The following GNB1L variants were observed in gnomAD, a reference collection of about 807,000 sequenced individuals.
GNB1L encodes the protein G protein subunit beta 1 like, also known as guanine nucleotide-binding protein subunit beta-like protein 1.
A neutral mutation model predicts 29.1 loss-of-function variants in GNB1L; 20 were observed. The ratio of observed to expected loss-of-function variants is 0.69; its 90% CI spans 0.48 to 1.00. The LOEUF is 1.00. GNB1L is among the 50% of genes least tolerant of loss of function. The probability of loss-of-function intolerance (pLI) is 0.00; values close to 1 mark genes in which losing one functional copy is unlikely to be tolerated. For synonymous variants in GNB1L, 193 were observed against 206.5 expected (o/e 0.93, Z 0.56); for missense variants, 421 against 464.9 (o/e 0.91, Z 0.87).
At chr22:19,803,202 G>C (rs1271069022) in intron 6 of GNB1L, among the ~76,000 whole-genome samples, 2 of 152,236 alleles carry the variant, frequency 1.3e-5, no homozygotes, top group African/African-American at 4.8e-5. Flanking sequence ...ACTGTGCCCT[G>C]CAGGATGTGG....
At chr22:19,798,143 G>T (rs1346592273) in intron 7 of GNB1L, among the ~76,000 whole-genome samples, 1 of 152,186 alleles carries the variant, frequency 6.6e-6, no homozygotes, top group Non-Finnish European at 1.5e-5. Flanking sequence ...CCGGCTGAGG[G>T]GCTGTCAAGG....
intron 2 of GNB1L, chr22:19,846,120 A>G (rs2145900915): frequency 6.6e-6 from 1 of 150,496 alleles, no homozygotes; most frequent in East Asian, 1.9e-4. Flanking sequence ...TATGCTGTGG[A>G]AAACACAAGC....
intron 4 of GNB1L, among the ~76,000 whole-genome samples, chr22:19,814,223 G>T (rs1937516810): frequency 6.6e-6 from 1 of 152,158 alleles, no homozygotes; most frequent in South Asian, 2.1e-4. Context: ...GGCTGGGAGG[G>T]ATGAGGGAAA....
intron 2 of GNB1L, chr22:19,849,567 A>G (rs2145904667): frequency 4.5e-6 from 2 of 448,816 alleles, no homozygotes; most frequent in East Asian, 1.5e-4. Flanking sequence ...GGATTTCTCC[A>G]TGCTGGTCAG....
chr22:19,788,354 G>A lies in GNB1L; in HGVS notation c.*355C>T. ...CATCCTGCCTGGTGGGGGTCTGAGG[G>A]CACTGATGCTAAGTGGGGGACCAGG... On this transcript the variant is annotated 3_prime_UTR_variant, in exon 8 of 8. Transcript: ENST00000329517. 3.5e-6 allele frequency: 2 copies of A among 576,206 alleles called. No individual in the cohort carries two copies. The highest frequency in any genetic ancestry group is 6.2e-6 in the Non-Finnish European group (2 of 323,990). The allele number at this position is 576,206 out of a possible 1,614,324, so 35.7% of individuals were successfully genotyped here.
At chr22:19,825,608 C>T (rs1344490372) in intron 2 of GNB1L, among the ~76,000 whole-genome samples, 1 of 151,756 alleles carries the variant, frequency 6.6e-6, no homozygotes, top group Admixed American at 6.6e-5. Flanking sequence ...GGGGACAGAG[C>T]AAGACCGCAT....
intron 4 of GNB1L, among the ~76,000 whole-genome samples, chr22:19,818,241 A>G (rs928909349): frequency 4.6e-5 from 7 of 152,256 alleles, no homozygotes; most frequent in Admixed American, 3.9e-4. Flanking sequence ...GGCCTGGCAC[A>G]GCTCCTGTCT....
chr22:19,791,075 A>AT (rs1569037014), intron 7 of GNB1L, among the ~76,000 whole-genome samples: 1 of 152,098 alleles, frequency 6.6e-6, no homozygotes, highest in African/African-American at 2.4e-5. Context: ...TACAAAAAAA[A>AT]TTTTTTAATT....
chr22:19,843,339 C>CCAGGCGGG, intron 2 of GNB1L, among the ~76,000 whole-genome samples: 1 of 152,258 alleles, frequency 6.6e-6, no homozygotes, highest in Non-Finnish European at 1.5e-5. Context: ...TTGGAAGCGC[C>CCAGGCGGG]CAGGCGGGCA....
At chr22:19,851,262 T>C (rs1388245936) in intron 2 of GNB1L, 17 of 1,610,272 alleles carry the variant, frequency 1.1e-5, no homozygotes, top group Non-Finnish European at 1.4e-5. Context: ...TCTCCCTCTG[T>C]CTCCAAAACC....
intron 4 of GNB1L, among the ~76,000 whole-genome samples, chr22:19,818,673 C>T (rs78688566): frequency 1.7e-3 from 262 of 152,352 alleles, no homozygotes; most frequent in African/African-American, 6.0e-3. Context: ...AACCAGGCAC[C>T]GAGTCCAGAG....
chr22:19,851,094 G>T, intron 2 of GNB1L: 1 of 1,491,166 alleles, frequency 6.7e-7, no homozygotes, highest in East Asian at 2.4e-5. Flanking sequence ...GCTCTGACTG[G>T]GGACTATGGG....
chr22:19,814,834 A>G (rs1157268646), intron 4 of GNB1L, among the ~76,000 whole-genome samples: 2 of 152,128 alleles, frequency 1.3e-5, no homozygotes, highest in Admixed American at 6.6e-5. Context: ...GGAGTTCAAG[A>G]CCAGTCTGGG....
At chr22:19,846,675 A>AT in intron 2 of GNB1L, 1 of 546,136 alleles carries the variant, frequency 1.8e-6, no homozygotes, top group Non-Finnish European at 2.3e-6. Context: ...TCAGGGTTAA[A>AT]TGAGGTCATG....
intron 2 of GNB1L, chr22:19,849,591 T>A: frequency 1.5e-6 from 1 of 658,370 alleles, no homozygotes; most frequent in South Asian, 6.8e-5. Flanking sequence ...GGTCTTGAAC[T>A]CCTGACCTCA....
intron 2 of GNB1L, among the ~76,000 whole-genome samples, chr22:19,838,055 G>A (rs1294050149): frequency 2.6e-5 from 4 of 152,234 alleles, no homozygotes; most frequent in African/African-American, 9.6e-5. Context: ...TGGGGATGGC[G>A]TCACAGACGC....
In GNB1L at chr22:19,819,332, C is replaced by T. The variant is rs537350519; in HGVS notation, c.254+1266G>A. On this transcript the variant is annotated intron_variant, in intron 4 of 7. Coordinates refer to ENST00000329517, the MANE Select transcript of GNB1L (RefSeq NM_053004.3). Reference sequence around the variant, plus strand: ...CTGCCACCCATGCAGGAGGATGGTGCGACAGCCACAGGAGGCCAAGTTGTA... The same window carrying T: ...CTGCCACCCATGCAGGAGGATGGTGTGACAGCCACAGGAGGCCAAGTTGTA... Among the ~76,000 whole-genome samples, 8 of 152,326 alleles carry T rather than the reference C, an allele frequency of 5.3e-5. No individual in the cohort carries two copies. The South Asian group carries it at 1.5e-3, about 28-fold the overall frequency.
intron 7 of GNB1L, among the ~76,000 whole-genome samples, chr22:19,796,045 G>T (rs1446922058): frequency 6.6e-6 from 1 of 152,250 alleles, no homozygotes; most frequent in Non-Finnish European, 1.5e-5. Flanking sequence ...GGCCAGGAAG[G>T]TTGGAGGTAA....
chr22:19,830,476 A>C (rs1040865834), intron 2 of GNB1L, among the ~76,000 whole-genome samples: 3 of 152,210 alleles, frequency 2.0e-5, no homozygotes, highest in Non-Finnish European at 4.4e-5. Flanking sequence ...GAATAACTTT[A>C]ATAAATAAAT....
Sources: allele counts gnomAD v4.1 joint callset (sites outside exome capture counted in the v4.1 genomes callset), GRCh38; gene constraint gnomAD v4.1.1; transcripts MANE v1.5; gene names NCBI Gene and HGNC (gene_info 2026-07-23, HGNC 2026-07-21).